The following ZNF385D variants were observed in gnomAD, a reference collection of about 807,000 sequenced individuals.
ZNF385D encodes the protein zinc finger protein 659.
In ZNF385D, 15 loss-of-function variants were observed where a neutral mutation model predicts 35.8. The observed-to-expected ratio is 0.42, with a 90% CI of 0.28 to 0.64. The LOEUF (loss-of-function observed/expected upper bound fraction) is 0.64, where lower values mean the gene tolerates loss of function less well. Ranked by LOEUF, ZNF385D falls within the 30% of genes least tolerant of loss-of-function variation. The pLI, the probability that ZNF385D is intolerant of heterozygous loss-of-function variation, is 0.23. For missense variants in ZNF385D, 474 were observed against 494.6 expected (o/e 0.96, Z 0.39); for synonymous variants, 212 against 186.8 (o/e 1.13, Z -1.10).
chr3:21,989,917 C>A (rs538205303), intron 3 of ZNF385D, among the ~76,000 whole-genome samples: 2 of 152,322 alleles, frequency 1.3e-5, no homozygotes, highest in East Asian at 3.9e-4. Context: ...GGAGCTTTCA[C>A]ATGTGTGCCT....
chr3:21,601,351 C>T (rs1025344565), intron 2 of ZNF385D, among the ~76,000 whole-genome samples: 5 of 152,162 alleles, frequency 3.3e-5, no homozygotes, highest in African/African-American at 1.2e-4. Context: ...AAAACTCCAG[C>T]TAATGAGGCC....
chr3:21,514,888 A>G (rs1381326241), intron 3 of ZNF385D, among the ~76,000 whole-genome samples: 2 of 152,052 alleles, frequency 1.3e-5, no homozygotes, highest in Non-Finnish European at 2.9e-5. Flanking sequence ...TGTTATAAAA[A>G]CCACTATGCC....
intron 3 of ZNF385D, among the ~76,000 whole-genome samples, chr3:21,761,924 G>A (rs141439639): frequency 0.025 from 3,157 of 126,496 alleles, 126 homozygotes; most frequent in African/African-American, 0.09. Flanking sequence ...CTGTCACCAG[G>A]TTGGAGTGCA....
At chr3:22,161,497 T>C (rs1705945855) in intron 3 of ZNF385D, among the ~76,000 whole-genome samples, 1 of 152,070 alleles carries the variant, frequency 6.6e-6, no homozygotes, top group South Asian at 2.1e-4. Flanking sequence ...GCAGTCTGTA[T>C]TGTTTCCTAG....
chr3:22,289,139 C>T (rs938386707), intron 2 of ZNF385D, among the ~76,000 whole-genome samples: 2 of 152,132 alleles, frequency 1.3e-5, no homozygotes, highest in African/African-American at 4.8e-5. Context: ...GGAAGAAGAT[C>T]TGTGGAAAAT....
In ZNF385D at chr3:21,757,120, C is replaced by CTTTTTTTTTTTTTTTTT. The variant is rs61226426; in HGVS notation, c.326-92109_326-92093dup. Among the ~76,000 whole-genome samples the CTTTTTTTTTTTTTTTTT allele has an allele frequency of 9.3e-3, 994 of 106,336 alleles. 9 individuals are homozygous for CTTTTTTTTTTTTTTTTT. The highest frequency in any genetic ancestry group is 0.011 in the African/African-American group (297 of 27,880). 69.8% of individuals were successfully genotyped at this position (106,336 alleles called of 152,430 possible). On this transcript the variant is annotated intron_variant, in intron 3 of 5. Coordinates refer to the ZNF385D transcript ENST00000494108. The stretch of plus-strand genomic sequence containing the variant: ...CTTTGGAGACATATGATAAATTTCT[C>CTTTTTTTTTTTTTTTTT]TTTTTTTTTTTTTTTTTTTGTTTTC...
At chr3:21,746,595 C>A (rs2069780944) in intron 1 of ZNF385D, among the ~76,000 whole-genome samples, 1 of 152,194 alleles carries the variant, frequency 6.6e-6, no homozygotes, top group South Asian at 2.1e-4. Flanking sequence ...ATGGTCAGGA[C>A]TTCACGCTTT....
chr3:21,774,910 A>G (rs972639538), intron 3 of ZNF385D, among the ~76,000 whole-genome samples: 3 of 151,914 alleles, frequency 2.0e-5, no homozygotes, highest in African/African-American at 7.2e-5. Context: ...AACTGAGAGG[A>G]TAGGTCCAGG....
intron 1 of ZNF385D, among the ~76,000 whole-genome samples, chr3:21,732,226 A>G (rs1328647971): frequency 6.6e-6 from 1 of 150,424 alleles, no homozygotes; most frequent in Non-Finnish European, 1.5e-5. Flanking sequence ...ATTTTTTTGT[A>G]TTTTTAGTAG....
intron 2 of ZNF385D, among the ~76,000 whole-genome samples, chr3:21,580,494 GTTGA>G (rs1220304323): frequency 1.3e-5 from 2 of 152,172 alleles, no homozygotes; most frequent in Non-Finnish European, 2.9e-5. Flanking sequence ...TCATTGTTTG[GTTGA>G]TTATGAAAGA....
At chr3:22,032,752 C>G (rs900174563) in intron 3 of ZNF385D, among the ~76,000 whole-genome samples, 1 of 152,116 alleles carries the variant, frequency 6.6e-6, no homozygotes, top group Admixed American at 6.5e-5. Context: ...GAAAAACAAT[C>G]ACGATTAATA....
intron 3 of ZNF385D, among the ~76,000 whole-genome samples, chr3:21,872,811 T>A (rs1265285438): frequency 6.6e-6 from 1 of 152,142 alleles, no homozygotes; most frequent in African/African-American, 2.4e-5. Context: ...ACACACTCCC[T>A]CTAAAGATGT....
chr3:22,262,545 A>G (rs1700686812), intron 2 of ZNF385D, among the ~76,000 whole-genome samples: 1 of 152,162 alleles, frequency 6.6e-6, no homozygotes, highest in Non-Finnish European at 1.5e-5. Flanking sequence ...TATGTGTTAC[A>G]AAGTATAATA....
chr3:22,023,471 T>G (rs1247266984), intron 3 of ZNF385D, among the ~76,000 whole-genome samples: 1 of 152,172 alleles, frequency 6.6e-6, no homozygotes, highest in African/African-American at 2.4e-5. Flanking sequence ...TCTGATTTCT[T>G]CTTTCAAATT....
Position 21,541,297 on chromosome 3 carries a change from T to C in ZNF385D, c.276+23277A>G, listed in dbSNP as rs370207917. 5.3e-5 allele frequency among the ~76,000 whole-genome samples: 8 copies of C among 152,288 alleles called. No homozygotes were observed. In the South Asian group the frequency reaches 1.4e-3, roughly 28 times the overall value. On this transcript the variant is annotated intron_variant, in intron 3 of 7. Transcript: ENST00000281523. ...AAGAAGGTTAAAAATGAATGGGTGC[T>C]ACACAGATTTGGGGGCAGAAGGTAA...
intron 2 of ZNF385D, among the ~76,000 whole-genome samples, chr3:21,608,070 C>G (rs1341784480): frequency 7.0e-6 from 1 of 143,108 alleles, no homozygotes; most frequent in Non-Finnish European, 1.5e-5. Flanking sequence ...AGTGCAGTGG[C>G]ATGATCTCAG....
intron 2 of ZNF385D, among the ~76,000 whole-genome samples, chr3:22,174,056 A>G (rs1694651992): frequency 6.6e-6 from 1 of 151,912 alleles, no homozygotes; most frequent in Admixed American, 6.6e-5. Flanking sequence ...ACACACAGAG[A>G]TATCCAAGCC....
chr3:21,763,214 T>G (rs1245869792), intron 3 of ZNF385D, among the ~76,000 whole-genome samples: 2 of 152,092 alleles, frequency 1.3e-5, no homozygotes, highest in Admixed American at 1.3e-4. Flanking sequence ...AACCCAAGAT[T>G]TAAATGGACA....
chr3:21,928,278 A>AAGGAAGGAGG, intron 3 of ZNF385D, among the ~76,000 whole-genome samples: 3 of 121,228 alleles, frequency 2.5e-5, no homozygotes, highest in Admixed American at 2.0e-4. Flanking sequence ...AGGAAGGAAG[A>AAGGAAGGAGG]GAGGAAGGAA....
Sources: gnomAD v4.1 joint callset for allele counts (sites outside exome capture counted in the v4.1 genomes callset) on GRCh38, gnomAD v4.1.1 for gene constraint, MANE v1.5 for transcripts, NCBI Gene and HGNC (gene_info 2026-07-23, HGNC 2026-07-21) for gene names.